CYBRD1: variants seen among roughly 807,000 people sequenced by gnomAD.
The protein encoded by CYBRD1 is cytochrome b reductase 1.
In CYBRD1, 14 loss-of-function variants were observed where a neutral mutation model predicts 21.9. That is an observed-to-expected ratio of 0.64 (90% CI 0.42 to 1.00). CYBRD1 has a LOEUF of 1.00. CYBRD1 is among the 50% of genes least tolerant of loss of function. The pLI, the probability that CYBRD1 is intolerant of heterozygous loss-of-function variation, is 0.00. For missense variants in CYBRD1, 328 were observed against 352.5 expected (o/e 0.93, Z 0.56); for synonymous variants, 146 against 136.5 (o/e 1.07, Z -0.48).
chr2:171,522,420 C>A (rs3806568), upstream of CYBRD1: 146 of 1,510,824 alleles, frequency 9.7e-5, 1 homozygote, highest in East Asian at 3.6e-3. The surrounding 1 kb of genome is among the most constrained non-coding windows in gnomAD (Gnocchi z 4.3). Context: ...CAGAAAGTCC[C>A]TCCCCGCAGG....
intron 2 of CYBRD1, 58 bp downstream of exon 2, chr2:171,541,851 GTTTTC>G (rs1265581877): frequency 5.1e-6 from 5 of 973,090 alleles, no homozygotes; most frequent in South Asian, 3.1e-5. Flanking sequence ...GACTGTAAAT[GTTTTC>G]TTTTCTTTTT....
intron 1 of CYBRD1, among the ~76,000 whole-genome samples, chr2:171,525,285 A>G (rs1183818045): frequency 6.6e-6 from 1 of 152,202 alleles, no homozygotes; most frequent in East Asian, 1.9e-4. Flanking sequence ...TCAATGGTCC[A>G]GAGTTTGTCC....
At chr2:171,541,861 CTTTTTTTTT>C in intron 2 of CYBRD1, 68 bp downstream of exon 2, 2 of 739,774 alleles carry the variant, frequency 2.7e-6, no homozygotes, top group African/African-American at 2.4e-5. Flanking sequence ...GTTTTCTTTT[CTTTTTTTTT>C]TTTTTTTTTT....
chr2:171,528,850 C>G (rs564270244), intron 1 of CYBRD1, among the ~76,000 whole-genome samples: 1 of 152,328 alleles, frequency 6.6e-6, no homozygotes, highest in South Asian at 2.1e-4. Flanking sequence ...TGTAGTCGTT[C>G]AGGACGAAAT....
At chr2:171,525,094 C>T (rs565614030) in intron 1 of CYBRD1, among the ~76,000 whole-genome samples, 2 of 152,252 alleles carry the variant, frequency 1.3e-5, no homozygotes, top group Admixed American at 6.5e-5. Context: ...CCTACCACCA[C>T]GCCCAGCTAA....
rs1376132737 is a variant in CYBRD1 at position 171,541,587 on chromosome 2, A to G, written c.196A>G (p.Ile66Val). 2.5e-6 allele frequency: 4 copies of G among 1,613,748 alleles called. No homozygotes were observed. Among genetic ancestry groups the G allele is most frequent in the Non-Finnish European group, 1.7e-6 (2 of 1,179,864 alleles). ...TGFVFIQGIA[I>V]IVYRLPWTWK... Reference sequence around the variant, plus strand: ...TGTGTCCTTTCGTCTTTCCCTAGCCATCATCGTCTACAGACTGCCGTGGAC... The same window carrying G: ...TGTGTCCTTTCGTCTTTCCCTAGCCGTCATCGTCTACAGACTGCCGTGGAC... Residue 66 changes from isoleucine (I) to valine (V), a missense_variant and splice_region_variant, in exon 2 of 4, where the codon ATC becomes GTC. Ile to Val is a conservative substitution (Grantham distance 29). Coordinates refer to ENST00000321348, the MANE Select transcript of CYBRD1 (RefSeq NM_024843.4).
Position 171,555,288 on chromosome 2 carries a change from T to TACGGC in CYBRD1, c.*461_*462insACGGC. On this transcript the variant is annotated 3_prime_UTR_variant, in exon 4 of 4. Transcript: ENST00000321348. ...AATATCTGGGACAGGGTTTAGATCA[T>TACGGC]GACTCTACACAGATACCATGATGAG... 1 of 228,922 alleles carries TACGGC rather than the reference T, an allele frequency of 4.4e-6. No homozygotes were observed. Among genetic ancestry groups the TACGGC allele is most frequent in the Admixed American group, 5.2e-5 (1 of 19,056 alleles). The allele number at this position is 228,922 out of a possible 1,614,324, so 14.2% of individuals were successfully genotyped here. A position where few individuals can be genotyped will look rare whatever the true frequency, so the allele number is the denominator to read the frequency against.
intron 1 of CYBRD1, among the ~76,000 whole-genome samples, chr2:171,535,702 G>A (rs1400175752): frequency 1.3e-5 from 2 of 151,492 alleles, no homozygotes; most frequent in African/African-American, 4.9e-5. Flanking sequence ...GCAGTGGCTC[G>A]ATCTCAGCTC....
At chr2:171,531,548 A>C (rs534611425) in intron 1 of CYBRD1, among the ~76,000 whole-genome samples, 1 of 152,208 alleles carries the variant, frequency 6.6e-6, no homozygotes, top group South Asian at 2.1e-4. Flanking sequence ...CCCGGGCCCA[A>C]GTGATTCTTC....
chr2:171,536,434 C>A (rs1333694964), intron 1 of CYBRD1, among the ~76,000 whole-genome samples: 4 of 152,008 alleles, frequency 2.6e-5, no homozygotes, highest in African/African-American at 9.7e-5. Context: ...GCCTCCCAAG[C>A]AGCTGGGATT....
At chr2:171,528,223 T>A (rs1697412755) in intron 1 of CYBRD1, among the ~76,000 whole-genome samples, 1 of 152,102 alleles carries the variant, frequency 6.6e-6, no homozygotes. Context: ...GTAGCTGGGA[T>A]TACAGGTATG....
At chr2:171,546,364 A>G (rs1373589435) in intron 2 of CYBRD1, among the ~76,000 whole-genome samples, 1 of 152,230 alleles carries the variant, frequency 6.6e-6, no homozygotes, top group East Asian at 1.9e-4. Context: ...GGCTTAGCAC[A>G]CTGGTATAAC....
At position 171,557,847 on chromosome 2, in the gene CYBRD1, T is replaced by A. The variant is rs891708699; in HGVS notation, c.*3020T>A. 1 of 152,202 alleles carries A rather than the reference T, an allele frequency of 6.6e-6. No individual in the cohort carries two copies. Among genetic ancestry groups the A allele is most frequent in the Non-Finnish European group, 1.5e-5 (1 of 68,020 alleles). 9.4% of individuals were successfully genotyped at this position (152,202 alleles called of 1,614,324 possible). A position where few individuals can be genotyped will look rare whatever the true frequency, so the allele number is the denominator to read the frequency against. On this transcript the variant is annotated 3_prime_UTR_variant, in exon 4 of 4. Coordinates refer to ENST00000321348, the MANE Select transcript of CYBRD1 (RefSeq NM_024843.4). ...AGTAAAGCTTTATGCTAATTTTATT[T>A]CAATATGATAGAAAATTTATCTTGG...
intron 1 of CYBRD1, among the ~76,000 whole-genome samples, chr2:171,526,909 C>A (rs544644591): frequency 6.6e-6 from 1 of 152,282 alleles, no homozygotes; most frequent in Non-Finnish European, 1.5e-5. Flanking sequence ...GTCTAATGAT[C>A]TCAAGTTGAT....
At chr2:171,544,798 A>G (rs989437458) in intron 2 of CYBRD1, among the ~76,000 whole-genome samples, 11 of 152,164 alleles carry the variant, frequency 7.2e-5, no homozygotes, top group African/African-American at 1.4e-4. Flanking sequence ...TGAAGTATGT[A>G]GAAGTGTATA....
chr2:171,534,399 C>T (rs772654360), intron 1 of CYBRD1, among the ~76,000 whole-genome samples: 6 of 152,132 alleles, frequency 3.9e-5, no homozygotes, highest in East Asian at 1.9e-4. Flanking sequence ...ATTTAAATTC[C>T]GCTCTCCAGG....
chr2:171,544,758 G>A (rs1206440118), intron 2 of CYBRD1, among the ~76,000 whole-genome samples: 1 of 152,144 alleles, frequency 6.6e-6, no homozygotes, highest in Non-Finnish European at 1.5e-5. Context: ...CCTAGCCAGT[G>A]CAGTACAGAA....
At chr2:171,550,420 C>A (rs1173478643) in intron 2 of CYBRD1, among the ~76,000 whole-genome samples, 2 of 152,062 alleles carry the variant, frequency 1.3e-5, no homozygotes, top group Admixed American at 1.3e-4. Flanking sequence ...CTGTGAACAG[C>A]ACTTCCAGTA....
In CYBRD1 at chr2:171,557,509, C is replaced by T. The variant is rs763001238; in HGVS notation, c.*2682C>T. ...TCAAATGAATATACTTTTTGAATTA[C>T]TGTCATCAAAAGTGTACGGCTTCCT... On this transcript the variant is annotated 3_prime_UTR_variant, in exon 4 of 4. Coordinates refer to ENST00000321348, the MANE Select transcript of CYBRD1 (RefSeq NM_024843.4). 3 of 152,184 alleles carry T rather than the reference C, an allele frequency of 2.0e-5. No homozygotes were observed. Among genetic ancestry groups the T allele is most frequent in the Non-Finnish European group, 2.9e-5 (2 of 68,032 alleles). The allele number at this position is 152,184 out of a possible 1,614,324, so 9.4% of individuals were successfully genotyped here. A position where few individuals can be genotyped will look rare whatever the true frequency, so the allele number is the denominator to read the frequency against.
Sources: allele counts gnomAD v4.1 joint callset (sites outside exome capture counted in the v4.1 genomes callset), GRCh38; gene constraint gnomAD v4.1.1; non-coding constraint Gnocchi (gnomAD v3.1); transcripts MANE v1.5; gene names NCBI Gene and HGNC (gene_info 2026-07-23, HGNC 2026-07-21).